LINGO2: variants seen among roughly 807,000 people sequenced by gnomAD.
The protein encoded by LINGO2 is leucine rich repeat and Ig domain containing 2.
A neutral mutation model predicts 30.6 loss-of-function variants in LINGO2; 14 were observed. The observed-to-expected ratio is 0.46, with a 90% CI of 0.30 to 0.72. The LOEUF is 0.72. Ranked by LOEUF, LINGO2 falls within the 30% of genes least tolerant of loss-of-function variation. LINGO2 has a pLI of 0.07. For synonymous variants in LINGO2, 317 were observed against 288.5 expected (o/e 1.10, Z -1.00); for missense variants, 729 against 751.7 (o/e 0.97, Z 0.35).
the LINGO2 span, among the ~76,000 whole-genome samples, chr9:28,704,457 G>T: frequency 1.3e-5 from 2 of 151,670 alleles, no homozygotes; most frequent in South Asian, 4.2e-4. Context: ...CTGGATCTGT[G>T]GCTTGGTGTC....
At chr9:28,814,083 C>A in the LINGO2 span, among the ~76,000 whole-genome samples, 2 of 152,160 alleles carry the variant, frequency 1.3e-5, no homozygotes, top group Non-Finnish European at 2.9e-5. Flanking sequence ...TCTTCACAAG[C>A]CTATATGGCA....
At chr9:28,282,243 CACAG>C (rs1390927408) in intron 4 of LINGO2, among the ~76,000 whole-genome samples, 1 of 152,054 alleles carries the variant, frequency 6.6e-6, no homozygotes, top group African/African-American at 2.4e-5. Context: ...AGTTATGGGA[CACAG>C]CTCACAAGGG....
At chr9:28,695,491 T>A in the LINGO2 span, among the ~76,000 whole-genome samples, 2 of 151,888 alleles carry the variant, frequency 1.3e-5, no homozygotes, top group Admixed American at 1.3e-4. Flanking sequence ...AGAGAATGTA[T>A]CTTAAAGAAG....
intron 1 of LINGO2, among the ~76,000 whole-genome samples, chr9:28,556,943 T>C (rs1822737774): frequency 6.6e-6 from 1 of 152,036 alleles, no homozygotes; most frequent in Admixed American, 6.6e-5. Context: ...TGGCTAGCCA[T>C]ATGTAGAAAG....
At chr9:29,186,406 G>A in the LINGO2 span, among the ~76,000 whole-genome samples, 7 of 152,040 alleles carry the variant, frequency 4.6e-5, no homozygotes, top group African/African-American at 1.4e-4. Flanking sequence ...GGAATGGTTC[G>A]GGTCACATAT....
the LINGO2 span, among the ~76,000 whole-genome samples, chr9:29,180,233 T>G: frequency 1.3e-5 from 2 of 152,214 alleles, no homozygotes; most frequent in Non-Finnish European, 2.9e-5. Flanking sequence ...GCTTCCATTT[T>G]CTACCCCTAT....
At chr9:29,113,238 T>C in the LINGO2 span, among the ~76,000 whole-genome samples, 1 of 152,112 alleles carries the variant, frequency 6.6e-6, no homozygotes, top group Non-Finnish European at 1.5e-5. Context: ...AGACACCAGT[T>C]TGAAAAAAGC....
chr9:29,064,908 G>C, the LINGO2 span, among the ~76,000 whole-genome samples: 1 of 151,844 alleles, frequency 6.6e-6, no homozygotes, highest in Non-Finnish European at 1.5e-5. Context: ...AGTATGACAG[G>C]CTTAGAGAAA....
chr9:28,051,803 A>G (rs1824687432), intron 4 of LINGO2, among the ~76,000 whole-genome samples: 1 of 152,138 alleles, frequency 6.6e-6, no homozygotes, highest in African/African-American at 2.4e-5. Context: ...GATTTCATCA[A>G]GAATAGAAGG....
intron 2 of LINGO2, among the ~76,000 whole-genome samples, chr9:28,437,173 T>A (rs1324632215): frequency 6.6e-6 from 1 of 152,220 alleles, no homozygotes; most frequent in Non-Finnish European, 1.5e-5. Flanking sequence ...GTGGTCACGA[T>A]CCTGGGCTGG....
intron 1 of LINGO2, among the ~76,000 whole-genome samples, chr9:28,517,743 G>C (rs1052410593): frequency 2.0e-5 from 3 of 152,044 alleles, no homozygotes; most frequent in Non-Finnish European, 4.4e-5. Flanking sequence ...AGTACTTCTC[G>C]GCACAGGCTT....
chr9:29,006,792 A>G, the LINGO2 span, among the ~76,000 whole-genome samples: 8 of 152,186 alleles, frequency 5.3e-5, no homozygotes, highest in East Asian at 1.5e-3. Context: ...TAAATCAAAC[A>G]TAGGAAAGGC....
chr9:28,410,708 C>A (rs893895176), intron 2 of LINGO2, among the ~76,000 whole-genome samples: 9 of 152,084 alleles, frequency 5.9e-5, no homozygotes, highest in Admixed American at 5.9e-4. Context: ...GAACAACAAA[C>A]GCAATAAGGG....
At chr9:28,406,552 T>A (rs1264063905) in intron 2 of LINGO2, among the ~76,000 whole-genome samples, 1 of 152,172 alleles carries the variant, frequency 6.6e-6, no homozygotes, top group Admixed American at 6.6e-5. Context: ...CTCTATTTTC[T>A]TCATTTCTAT....
chr9:28,363,655 CTAAT>C (rs1178318549), intron 3 of LINGO2, among the ~76,000 whole-genome samples: 1 of 152,060 alleles, frequency 6.6e-6, no homozygotes. Context: ...CTATCTTTAG[CTAAT>C]TAGTCAAGGC....
At chr9:28,333,149 C>G (rs1318476151) in intron 3 of LINGO2, among the ~76,000 whole-genome samples, 2 of 152,162 alleles carry the variant, frequency 1.3e-5, no homozygotes, top group African/African-American at 4.8e-5. Flanking sequence ...AGTTGTGAGT[C>G]ACACAAAAAG....
the LINGO2 span, among the ~76,000 whole-genome samples, chr9:29,057,755 C>A: frequency 1.3e-5 from 2 of 152,066 alleles, no homozygotes; most frequent in South Asian, 2.1e-4. Context: ...GGATCGAAAG[C>A]AACTACCACA....
rs1408913597 is a variant in LINGO2, at chr9:28,119,100, A to T, written c.-86-106695T>A. Among the ~76,000 whole-genome samples, 4 of 152,214 alleles carry T rather than the reference A, an allele frequency of 2.6e-5. No individual in the cohort carries two copies. The East Asian group carries it at 7.7e-4, about 29-fold the overall frequency. ...AAAAAAGAAGCTCACTACTTCTCTT[A>T]GACTGCTATAATGGAAGTGCACAGT... On this transcript the variant is annotated intron_variant, in intron 4 of 5. Coordinates refer to ENST00000379992, the Ensembl canonical transcript of LINGO2.
chr9:28,114,801 CT>C (rs1405636536), intron 4 of LINGO2, among the ~76,000 whole-genome samples: 1 of 84,724 alleles, frequency 1.2e-5, no homozygotes, highest in Non-Finnish European at 2.3e-5. Flanking sequence ...ATTCTTCTCT[CT>C]TTTTTTCTCT....
Sources: gnomAD v4.1 joint callset for allele counts (sites outside exome capture counted in the v4.1 genomes callset) on GRCh38, gnomAD v4.1.1 for gene constraint, MANE v1.5 for transcripts, NCBI Gene and HGNC (gene_info 2026-07-23, HGNC 2026-07-21) for gene names.